MYZAP: variants seen among roughly 807,000 people sequenced by gnomAD.
MYZAP encodes GRINL1A complex locus upstream.
In MYZAP, 66 loss-of-function variants were observed where a neutral mutation model predicts 69.4. The observed-to-expected ratio is 0.95, with a 90% CI of 0.78 to 1.17. MYZAP has a LOEUF of 1.17. Among genes scored for constraint, MYZAP ranks in the 50% most tolerant of loss-of-function variants. The pLI is 0.00. For missense variants in MYZAP, 611 were observed against 556.2 expected (o/e 1.10, Z -0.99); for synonymous variants, 256 against 205.9 (o/e 1.24, Z -2.09).
At chr15:57,626,729 A>C (rs148310088) in intron 5 of MYZAP, among the ~76,000 whole-genome samples, 2 of 152,310 alleles carry the variant, frequency 1.3e-5, no homozygotes, top group East Asian at 3.9e-4. Context: ...TATATAAGTA[A>C]TTTTAGATAA....
chr15:57,655,729 A>G (rs2037980235), intron 10 of MYZAP, among the ~76,000 whole-genome samples: 3 of 152,242 alleles, frequency 2.0e-5, no homozygotes, highest in South Asian at 4.1e-4. Context: ...CAAGGCCCAT[A>G]TTCACATATT....
chr15:57,662,733 A>G (rs1290618691), intron 11 of MYZAP, among the ~76,000 whole-genome samples: 2 of 152,172 alleles, frequency 1.3e-5, no homozygotes, highest in African/African-American at 4.8e-5. Flanking sequence ...CGGGGGTATT[A>G]AGAAGTCTGC....
chr15:57,623,215 A>T (rs2035924958), intron 4 of MYZAP, among the ~76,000 whole-genome samples: 1 of 152,218 alleles, frequency 6.6e-6, no homozygotes, highest in Non-Finnish European at 1.5e-5. Flanking sequence ...TGGGCAAAGA[A>T]GAGGGTTGCT....
At chr15:57,603,518 A>G (rs1217154203) in intron 1 of MYZAP, among the ~76,000 whole-genome samples, 1 of 152,158 alleles carries the variant, frequency 6.6e-6, no homozygotes, top group African/African-American at 2.4e-5. Context: ...TGGTCACCAC[A>G]GTTCCACTTT....
intron 10 of MYZAP, among the ~76,000 whole-genome samples, chr15:57,652,671 TG>T (rs1244737292): frequency 6.6e-6 from 1 of 152,160 alleles, no homozygotes; most frequent in Non-Finnish European, 1.5e-5. Context: ...ATCAAGAGGC[TG>T]GGTTAAAGAC....
At chr15:57,623,344 A>G (rs2035933207) in intron 4 of MYZAP, among the ~76,000 whole-genome samples, 1 of 152,242 alleles carries the variant, frequency 6.6e-6, no homozygotes, top group Non-Finnish European at 1.5e-5. Context: ...TTCTACAGGT[A>G]GACTCTCACA....
At chr15:57,640,840 C>T (rs544559308) in intron 10 of MYZAP, among the ~76,000 whole-genome samples, 13 of 152,312 alleles carry the variant, frequency 8.5e-5, no homozygotes, top group South Asian at 8.3e-4. Context: ...AGGCCACGCA[C>T]GCATCTTTGC....
intron 1 of MYZAP, among the ~76,000 whole-genome samples, chr15:57,592,530 G>A (rs1451428894): frequency 6.6e-6 from 1 of 152,226 alleles, no homozygotes; most frequent in East Asian, 1.9e-4. Flanking sequence ...TAGTGATAGG[G>A]TATCCACTAG....
chr15:57,618,441 T>C lies in MYZAP; in HGVS notation c.318+253T>C, dbSNP rs142650532. 2.0e-5 allele frequency among the ~76,000 whole-genome samples: 3 copies of C among 152,368 alleles called. No individual in the cohort carries two copies. In the East Asian group the frequency reaches 5.8e-4, roughly 29 times the overall value. The stretch of plus-strand genomic sequence containing the variant: ...AAGTATACTCAGGAGAGCAGATGGC[T>C]TCCTCCTTCCGTGTAGGGTTTGGAG... On this transcript the variant is annotated intron_variant, in intron 3 of 12. Coordinates refer to ENST00000267853, the MANE Select transcript of MYZAP (RefSeq NM_001018100.5).
At chr15:57,605,975 G>T (rs2034718702) in intron 2 of MYZAP, among the ~76,000 whole-genome samples, 4 of 152,106 alleles carry the variant, frequency 2.6e-5, no homozygotes, top group South Asian at 2.1e-4. Context: ...TGGAGAAGGG[G>T]AGTAGAGGCA....
Position 57,617,752 on chromosome 15 carries a change from T to C in MYZAP, c.163-281T>C, listed in dbSNP as rs576944430. On this transcript the variant is annotated intron_variant, in intron 2 of 12. Transcript: ENST00000267853. ...GCTCTTCTTACTAGGACAACGCAAG[T>C]CCGTCTGGTATCTTTGTGGGAATTA... Among the ~76,000 whole-genome samples the C allele has an allele frequency of 4.9e-4, 74 of 152,336 alleles. 3 individuals are homozygous for C. The South Asian group carries it at 7.0e-3, about 15-fold the overall frequency.
At chr15:57,634,504 C>T (rs566758198) in intron 8 of MYZAP, among the ~76,000 whole-genome samples, 13 of 152,222 alleles carry the variant, frequency 8.5e-5, no homozygotes, top group Non-Finnish European at 1.3e-4. Flanking sequence ...GTGACTCATT[C>T]GGGATGCCAA....
At chr15:57,646,041 A>G (rs2037427877) in intron 10 of MYZAP, 1 of 641,670 alleles carries the variant, frequency 1.6e-6, no homozygotes, top group African/African-American at 1.9e-5. Context: ...GATTTCAAGT[A>G]CTTCTCATAA....
At chr15:57,681,095 A>C (rs1231035280) in intron 12 of MYZAP, among the ~76,000 whole-genome samples, 1 of 152,230 alleles carries the variant, frequency 6.6e-6, no homozygotes, top group African/African-American at 2.4e-5. Flanking sequence ...TGAACCTAGA[A>C]GGTTCACCTT....
chr15:57,623,781 A>C (rs2035961875), intron 4 of MYZAP, among the ~76,000 whole-genome samples: 1 of 151,012 alleles, frequency 6.6e-6, no homozygotes, highest in Non-Finnish European at 1.5e-5. Context: ...TCTCTACAAT[A>C]GAATATATGC....
At position 57,637,604 on chromosome 15, in the gene MYZAP, C is replaced by G. The variant is rs575022414; in HGVS notation, c.934-91C>G. On this transcript the variant is annotated intron_variant, in intron 8 of 12. Transcript: ENST00000267853. Reference sequence around the variant, plus strand: ...TAAAACCCAGGGGGTGTCATATAGACTTGGACTCCCTAGTGCTAGAATTGC... The same window carrying G: ...TAAAACCCAGGGGGTGTCATATAGAGTTGGACTCCCTAGTGCTAGAATTGC... The G allele has an allele frequency of 3.5e-6, 5 of 1,425,394 alleles. No homozygotes were observed. In the South Asian group the frequency reaches 6.5e-5, roughly 19 times the overall value. 88.3% of individuals were successfully genotyped at this position (1,425,394 alleles called of 1,614,324 possible). A position where few individuals can be genotyped will look rare whatever the true frequency, so the allele number is the denominator to read the frequency against.
At chr15:57,599,035 C>T (rs2034243169) in intron 1 of MYZAP, among the ~76,000 whole-genome samples, 1 of 152,224 alleles carries the variant, frequency 6.6e-6, no homozygotes, top group African/African-American at 2.4e-5. Flanking sequence ...TTACAGAGTG[C>T]TTAATGCGTG....
intron 2 of MYZAP, among the ~76,000 whole-genome samples, chr15:57,605,626 A>C (rs1156376873): frequency 2.0e-5 from 3 of 152,324 alleles, no homozygotes; most frequent in African/African-American, 7.2e-5. Context: ...ATGCCAGGGA[A>C]AGGAAGTAGG....
intron 10 of MYZAP, among the ~76,000 whole-genome samples, chr15:57,644,897 G>A (rs1371811897): frequency 1.3e-5 from 2 of 152,200 alleles, no homozygotes; most frequent in East Asian, 3.9e-4. Flanking sequence ...ATAGATAATA[G>A]AAACTTAAAG....
Sources: allele counts gnomAD v4.1 joint callset (sites outside exome capture counted in the v4.1 genomes callset), GRCh38; gene constraint gnomAD v4.1.1; transcripts MANE v1.5; gene names NCBI Gene and HGNC (gene_info 2026-07-23, HGNC 2026-07-21).